Variants in PTPRD observed in about 807,000 individuals in gnomAD.
PTPRD encodes protein tyrosine phosphatase receptor type D.
Under a neutral mutation model 214.5 loss-of-function variants are expected in PTPRD, and 34 were observed. The observed-to-expected ratio is 0.16, with a 90% CI of 0.12 to 0.21. The LOEUF is 0.21. PTPRD is among the 10% of genes least tolerant of loss of function. PTPRD has a pLI of 1.00. For missense variants in PTPRD, 2,545 were observed against 2,398.7 expected (o/e 1.06, Z -1.27); for synonymous variants, 1,128 against 845.7 (o/e 1.33, Z -5.79).
At chr9:8,736,237 G>A (rs145798524) in intron 11 of PTPRD, among the ~76,000 whole-genome samples, 4 of 152,264 alleles carry the variant, frequency 2.6e-5, no homozygotes, top group Non-Finnish European at 2.9e-5. Context: ...AATTCTTCAC[G>A]TGTTAAATAA....
At chr9:9,170,557 C>T (rs1166526560) in intron 10 of PTPRD, among the ~76,000 whole-genome samples, 2 of 152,056 alleles carry the variant, frequency 1.3e-5, no homozygotes, top group Non-Finnish European at 2.9e-5. Flanking sequence ...TGTCTTCTTC[C>T]AGTTGTGAAT....
In PTPRD at chr9:8,434,436, G is replaced by C. The variant is rs115454943; in HGVS notation, c.4086+2156C>G. Reference sequence around the variant, plus strand: ...ATAATAGACTATACTATCTAGGTTTGCTATACTCCACGATGTTTACACAGT... The same window carrying C: ...ATAATAGACTATACTATCTAGGTTTCCTATACTCCACGATGTTTACACAGT... On this transcript the variant is annotated intron_variant, in intron 35 of 45. Transcript: ENST00000381196. Among the ~76,000 whole-genome samples, 526 of 152,230 alleles carry C rather than the reference G, an allele frequency of 3.5e-3. 1 individual carries two copies. The highest frequency in any genetic ancestry group is 0.012 in the African/African-American group (503 of 41,532).
At chr9:9,304,612 G>A (rs1595490179) in intron 9 of PTPRD, among the ~76,000 whole-genome samples, 1 of 151,626 alleles carries the variant, frequency 6.6e-6, no homozygotes, top group East Asian at 1.9e-4. Flanking sequence ...ATTTCTGTTG[G>A]AAAGCTCCAA....
At chr9:10,166,370 G>T (rs190285855) in intron 3 of PTPRD, among the ~76,000 whole-genome samples, 1 of 147,592 alleles carries the variant, frequency 6.8e-6, no homozygotes, top group East Asian at 2.1e-4. Flanking sequence ...TGATGCCAAT[G>T]CTGATTTTTT....
intron 3 of PTPRD, among the ~76,000 whole-genome samples, chr9:10,254,963 G>A (rs1190792245): frequency 6.6e-6 from 1 of 152,118 alleles, no homozygotes; most frequent in Admixed American, 6.5e-5. Context: ...TGCTTCTTAT[G>A]TGCTGTATAA....
intron 11 of PTPRD, among the ~76,000 whole-genome samples, chr9:9,001,945 G>GC (rs2099421619): frequency 7.3e-6 from 1 of 137,696 alleles, no homozygotes; most frequent in East Asian, 2.4e-4. Context: ...CTTCCAATAT[G>GC]CAATAATTGA....
intron 3 of PTPRD, among the ~76,000 whole-genome samples, chr9:10,141,152 G>C (rs1405909976): frequency 1.3e-5 from 2 of 152,034 alleles, no homozygotes; most frequent in Non-Finnish European, 2.9e-5. Flanking sequence ...CATACTGAAT[G>C]GGCAAAAAAC....
chr9:9,832,202 C>T (rs1156238410), intron 5 of PTPRD, among the ~76,000 whole-genome samples: 2 of 151,928 alleles, frequency 1.3e-5, no homozygotes, highest in Non-Finnish European at 2.9e-5. Context: ...TAGTTGAAAA[C>T]AAACCATTTA....
chr9:10,172,628 C>T (rs564563522), intron 3 of PTPRD, among the ~76,000 whole-genome samples: 5 of 152,252 alleles, frequency 3.3e-5, no homozygotes, highest in Non-Finnish European at 7.4e-5. Context: ...CTTCTTCAAC[C>T]TCATTTAATG....
chr9:9,336,818 G>T (rs1246615795), intron 9 of PTPRD, among the ~76,000 whole-genome samples: 1 of 151,854 alleles, frequency 6.6e-6, no homozygotes, highest in Non-Finnish European at 1.5e-5. Context: ...TAAATTATTT[G>T]ACTTTAAGTC....
intron 9 of PTPRD, among the ~76,000 whole-genome samples, chr9:9,255,610 C>A (rs2099977381): frequency 6.6e-6 from 1 of 151,998 alleles, no homozygotes; most frequent in Admixed American, 6.6e-5. Flanking sequence ...TCCCTCTCAG[C>A]ACTTATAGAT....
intron 10 of PTPRD, among the ~76,000 whole-genome samples, chr9:9,158,825 C>T (rs2099883639): frequency 6.6e-6 from 1 of 152,132 alleles, no homozygotes; most frequent in African/African-American, 2.4e-5. Context: ...TATTAGCAAA[C>T]TGAATTCAAC....
At position 9,730,181 on chromosome 9, in the gene PTPRD, C is replaced by A. The variant is rs1186628745; in HGVS notation, c.-287+4352G>T. On this transcript the variant is annotated intron_variant, in intron 7 of 45. Transcript: ENST00000381196. ...CATTCAATTCTTGGAAAATACAATA[C>A]TACATTTGAATTAATTTGTATTATT... Among the ~76,000 whole-genome samples the A allele has an allele frequency of 2.6e-5, 4 of 151,984 alleles. No individual in the cohort carries two copies. The East Asian group carries it at 5.8e-4, about 22-fold the overall frequency.
At chr9:10,359,288 A>G (rs1460690236) in intron 2 of PTPRD, among the ~76,000 whole-genome samples, 1 of 152,056 alleles carries the variant, frequency 6.6e-6, no homozygotes, top group Non-Finnish European at 1.5e-5. Flanking sequence ...AAAGTAATAC[A>G]TATATGATTA....
chr9:8,862,991 CACCAGCATGGCACAT>C (rs1323530800), intron 11 of PTPRD, among the ~76,000 whole-genome samples: 2 of 152,148 alleles, frequency 1.3e-5, no homozygotes, highest in African/African-American at 4.8e-5. Context: ...GGGTGCAGCG[CACCAGCATGGCACAT>C]GTATACGTAT....
intron 2 of PTPRD, among the ~76,000 whole-genome samples, chr9:10,587,167 G>T (rs1024301801): frequency 6.6e-6 from 1 of 152,048 alleles, no homozygotes; most frequent in Non-Finnish European, 1.5e-5. Flanking sequence ...ACACAAACAA[G>T]TCAAAGAAGC....
At chr9:8,489,185 C>A (rs1006141960) in intron 27 of PTPRD, among the ~76,000 whole-genome samples, 8 of 152,154 alleles carry the variant, frequency 5.3e-5, no homozygotes, top group Non-Finnish European at 7.4e-5. Context: ...TAGGAAAAAA[C>A]CCACTGACTT....
intron 39 of PTPRD, among the ~76,000 whole-genome samples, chr9:8,373,612 G>T (rs2082178646): frequency 7.1e-6 from 1 of 141,456 alleles, no homozygotes; most frequent in African/African-American, 2.6e-5. Context: ...CATGGATGCG[G>T]GTGTGTGTGT....
At chr9:9,541,297 G>C (rs1265218431) in intron 8 of PTPRD, among the ~76,000 whole-genome samples, 1 of 151,704 alleles carries the variant, frequency 6.6e-6, no homozygotes, top group African/African-American at 2.4e-5. Context: ...ATGATATAAG[G>C]AAATTGAGGT....
Sources: allele counts gnomAD v4.1 joint callset (sites outside exome capture counted in the v4.1 genomes callset), GRCh38; gene constraint gnomAD v4.1.1; transcripts MANE v1.5; gene names NCBI Gene and HGNC (gene_info 2026-07-23, HGNC 2026-07-21).